Variants in IL12RB1 observed in about 807,000 individuals in gnomAD.
The protein encoded by IL12RB1 is interleukin 12 receptor subunit beta 1.
In IL12RB1, 64 loss-of-function variants were observed where a neutral mutation model predicts 94.4. The ratio of observed to expected loss-of-function variants is 0.68; its 90% CI spans 0.55 to 0.83. The LOEUF is 0.83. Ranked by LOEUF, IL12RB1 falls within the 40% of genes least tolerant of loss-of-function variation. The probability of loss-of-function intolerance (pLI) is 0.00; values close to 1 mark genes in which losing one functional copy is unlikely to be tolerated. For missense variants in IL12RB1, 814 were observed against 855.6 expected, an observed-to-expected ratio of 0.95 and a Z score of 0.61; for synonymous variants, 362 against 355.5, an observed-to-expected ratio of 1.02 and a Z score of -0.21.
At position 18,062,234 on chromosome 19, in the gene IL12RB1, C is replaced by T; in HGVS notation, c.1662G>A (p.Gly554=). Residue 554 remains glycine, a synonymous_variant, in exon 14 of 17, where the codon GGG becomes GGA. Transcript: ENST00000593993. ...SDWLIFFASL[G]SFLSILLVGV... is the part of the protein sequence containing the mutation. ...CCACGAGAAGGATGCTCAGGAAGCT[C>T]CCCAGGGAGGCGAAGAAGATGAGCC... 1 of 1,613,212 alleles carries T rather than the reference C, an allele frequency of 6.2e-7. No homozygotes were observed. The highest frequency in any genetic ancestry group is 8.5e-7 in the Non-Finnish European group (1 of 1,179,488).
At chr19:18,061,375 C>G (rs1257865454) in intron 14 of IL12RB1, among the ~76,000 whole-genome samples, 178 bp from the exon 15 acceptor site, 1 of 152,042 alleles carries the variant, frequency 6.6e-6, no homozygotes, top group Admixed American at 6.6e-5. Context: ...AGATTACAAA[C>G]GTGTGCCACC....
At chr19:18,071,060 A>G (rs530730428) in intron 9 of IL12RB1, 33 of 238,936 alleles carry the variant, frequency 1.4e-4, no homozygotes, top group African/African-American at 5.9e-4. Flanking sequence ...AACATGGTGA[A>G]ACTCCATCTC....
chr19:18,084,920 A>G (rs2036223542), intron 1 of IL12RB1, among the ~76,000 whole-genome samples: 2 of 152,240 alleles, frequency 1.3e-5, no homozygotes, highest in South Asian at 4.1e-4. Context: ...GTCTGAAGCC[A>G]GCATGGGGAA....
intron 1 of IL12RB1, among the ~76,000 whole-genome samples, 195 bp from the exon 2 acceptor site, chr19:18,083,686 T>C (rs2036077830): frequency 6.7e-6 from 1 of 149,220 alleles, no homozygotes; most frequent in South Asian, 2.2e-4. Flanking sequence ...TCCATCCATG[T>C]ATTTATTCAT....
intron 10 of IL12RB1, 96 bp downstream of exon 10, chr19:18,069,450 C>T: frequency 8.4e-7 from 1 of 1,192,338 alleles, no homozygotes; most frequent in Non-Finnish European, 1.2e-6. Context: ...GGGCCTTAGA[C>T]ACCCGCTGTG....
intron 1 of IL12RB1, among the ~76,000 whole-genome samples, chr19:18,096,261 A>T (rs777589649): frequency 2.0e-5 from 3 of 151,930 alleles, no homozygotes; most frequent in Non-Finnish European, 2.9e-5. Context: ...ATTTTTTTTT[A>T]AATGTGGGTG....
At chr19:18,091,868 C>CTTTTTT (rs1264996682), upstream of IL12RB1, among the ~76,000 whole-genome samples, 62 of 120,376 alleles carry the variant, frequency 5.2e-4, no homozygotes, top group East Asian at 1.2e-3. Context: ...CCTGGCTTTT[C>CTTTTTT]TTTTTTTTTT....
In IL12RB1 at chr19:18,059,870, G is replaced by A. The variant is rs17882555; in HGVS notation, c.1983+24C>T. 0.39 allele frequency: 515,460 copies of A among 1,329,962 alleles called. 101,820 individuals carry two copies. The highest frequency in any genetic ancestry group is 0.44 in the Non-Finnish European group (414,314 of 951,196). 82.4% of individuals were successfully genotyped at this position (1,329,962 alleles called of 1,614,324 possible). A position where few individuals can be genotyped will look rare whatever the true frequency, so the allele number is the denominator to read the frequency against. On this transcript the variant is annotated intron_variant, in intron 16 of 16. Coordinates refer to ENST00000593993, the MANE Select transcript of IL12RB1 (RefSeq NM_005535.3). ...CCCGGGCAGGGTTGCACCCCTGACC[G>A]TCTGGCCCACTGGGCCCCAGGACCT...
At chr19:18,088,276 C>T (rs2036466780), upstream of IL12RB1, among the ~76,000 whole-genome samples, 1 of 151,844 alleles carries the variant, frequency 6.6e-6, no homozygotes, top group Non-Finnish European at 1.5e-5. Context: ...ATCCCAGCTA[C>T]TGAGGAGGCT....
At chr19:18,086,935 G>GA (rs746908722), upstream of IL12RB1, 36 of 1,539,596 alleles carry the variant, frequency 2.3e-5, no homozygotes, top group South Asian at 2.8e-4. Flanking sequence ...AGAAAAGACT[G>GA]AAAAAAAAGA....
At chr19:18,095,573 A>ATACAAATG (rs2036853030) in intron 1 of IL12RB1, among the ~76,000 whole-genome samples, 1 of 152,212 alleles carries the variant, frequency 6.6e-6, no homozygotes, top group East Asian at 1.9e-4. Flanking sequence ...TTTGGGGATG[A>ATACAAATG]TACAAATGTC....
Position 18,072,179 on chromosome 19 carries a change from G to C in IL12RB1, c.954C>G (p.Val318=). 1 of 1,614,162 alleles carries C rather than the reference G, an allele frequency of 6.2e-7. No homozygotes were observed. The highest frequency in any genetic ancestry group is 8.5e-7 in the Non-Finnish European group (1 of 1,179,996). The change falls in exon 9 of 17, where the codon GTC becomes GTG. Residue 318 remains valine, a synonymous_variant. Transcript: ENST00000593993. Reference sequence around the variant, plus strand: ...CAGGACCAAATTGGTTCGAGGAGATGACAGCCACGTTGTAGGCAGCACCCG... The same window carrying C: ...CAGGACCAAATTGGTTCGAGGAGATCACAGCCACGTTGTAGGCAGCACCCG... ...YLSGAAYNVA[V]ISSNQFGPGL... is the part of the protein sequence containing the mutation.
chr19:18,064,447 CT>C lies in IL12RB1; in HGVS notation c.1484-438del, dbSNP rs1490426023. Among the ~76,000 whole-genome samples the C allele has an allele frequency of 3.4e-5, 5 of 147,844 alleles. No homozygotes were observed. The South Asian group carries it at 1.1e-3, about 32-fold the overall frequency. On this transcript the variant is annotated intron_variant, in intron 12 of 16. Coordinates refer to ENST00000593993, the MANE Select transcript of IL12RB1 (RefSeq NM_005535.3). Reference sequence around the variant, plus strand: ...AGCCACCAAGCCCAACCTAAAATCTCTTCTCTTAATGCGCCCATTCATCTCA... The same window carrying C: ...AGCCACCAAGCCCAACCTAAAATCTCTCTCTTAATGCGCCCATTCATCTCA...
Position 18,075,809 on chromosome 19 carries a change from G to A in IL12RB1, c.640C>T (p.Gln214Ter), listed in dbSNP as rs878986900. The change falls in exon 7 of 17, where the codon CAG (glutamine) becomes TAG (stop). Residue 214 changes from glutamine to a stop codon, truncating the protein, a stop_gained. Coordinates refer to ENST00000593993, the MANE Select transcript of IL12RB1 (RefSeq NM_005535.3). LOFTEE classifies it high-confidence loss of function. ...VAQEFQLRRRQLGSQGSSWSK... is the reference protein window; with the variant it reads ...VAQEFQLRRR ...CAGGAACTTCCTTGGCTCCCCAGCT[G>A]CCGTCGTCGGAGCTGGAATTCCTGG... 5 of 1,610,806 alleles carry A rather than the reference G, an allele frequency of 3.1e-6. No homozygotes were observed. Among genetic ancestry groups the A allele is most frequent in the East Asian group, 2.2e-5 (1 of 44,880 alleles).
intron 2 of IL12RB1, chr19:18,083,138 T>A: frequency 1.8e-6 from 1 of 544,036 alleles, no homozygotes; most frequent in East Asian, 3.2e-5. Flanking sequence ...GGGGGGGGGC[T>A]TCAAAATGCT....
intron 5 of IL12RB1, 146 bp from the exon 6 acceptor site, chr19:18,076,473 G>C: frequency 1.5e-6 from 1 of 683,030 alleles, no homozygotes; most frequent in Non-Finnish European, 2.7e-6. Context: ...TGCAATCATG[G>C]CTTATTGAAG....
At chr19:18,066,719 T>C (rs750195839) in intron 11 of IL12RB1, 22 bp from the exon 12 acceptor site, 2 of 1,597,418 alleles carry the variant, frequency 1.3e-6, no homozygotes, top group Non-Finnish European at 1.7e-6. Context: ...ACCATTGTCA[T>C]AGTCAACACC....
intron 12 of IL12RB1, 124 bp from the exon 13 acceptor site, chr19:18,064,134 CTTTCT>C (rs1246924619): frequency 2.6e-4 from 108 of 423,140 alleles, no homozygotes; most frequent in Middle Eastern, 6.7e-4. Flanking sequence ...TCTACTCTTT[CTTTCT>C]TTTTTTTTTT....
At chr19:18,094,793 C>T (rs898383053) in intron 1 of IL12RB1, among the ~76,000 whole-genome samples, 1 of 151,992 alleles carries the variant, frequency 6.6e-6, no homozygotes, top group Non-Finnish European at 1.5e-5. Context: ...AAGACCCTGT[C>T]CCAAAACAAA....
Sources: gnomAD v4.1 joint callset for allele counts (sites outside exome capture counted in the v4.1 genomes callset) on GRCh38, gnomAD v4.1.1 for gene constraint, MANE v1.5 for transcripts, NCBI Gene and HGNC (gene_info 2026-07-23, HGNC 2026-07-21) for gene names.